Variants in MDFIC observed in about 807,000 individuals in gnomAD.
MDFIC encodes the protein MyoD family inhibitor domain containing.
Under a neutral mutation model 23.2 loss-of-function variants are expected in MDFIC, and 17 were observed. The observed-to-expected ratio is 0.73, with a 90% CI of 0.50 to 1.10. The LOEUF is 1.10. MDFIC is among the 50% of genes least tolerant of loss of function. The pLI is 0.00. For synonymous variants in MDFIC, 120 were observed against 115.2 expected, an observed-to-expected ratio of 1.04 and a Z score of -0.27; for missense variants, 356 against 316.6, an observed-to-expected ratio of 1.12 and a Z score of -0.95.
chr7:114,995,899 T>C (rs1302842746), intron 4 of MDFIC, among the ~76,000 whole-genome samples: 8 of 152,200 alleles, frequency 5.3e-5, no homozygotes, highest in Non-Finnish European at 1.5e-5. Flanking sequence ...ACCTGTCTTC[T>C]GCGTCACTCA....
At position 114,947,323 on chromosome 7, in the gene MDFIC, C is replaced by T. The variant is rs998782524; in HGVS notation, c.217+4926C>T. The stretch of plus-strand genomic sequence containing the variant: ...GTCTTTTCCTCCTCCATTTGGCTCT[C>T]AGAAAAATTCTCTTTTTATTCAGTA... On this transcript the variant is annotated intron_variant, in intron 3 of 4. Transcript: ENST00000393486. Among the ~76,000 whole-genome samples the T allele has an allele frequency of 2.0e-5, 3 of 152,252 alleles. No homozygotes were observed. In the East Asian group the frequency reaches 5.8e-4, roughly 29 times the overall value.
At chr7:114,997,783 G>GA (rs1791368049) in intron 4 of MDFIC, among the ~76,000 whole-genome samples, 1 of 146,944 alleles carries the variant, frequency 6.8e-6, no homozygotes, top group East Asian at 2.0e-4. Flanking sequence ...GAAAAGAAAA[G>GA]AAAGAAAAAG....
intron 3 of MDFIC, among the ~76,000 whole-genome samples, chr7:114,952,816 T>C (rs1032176167): frequency 2.6e-5 from 4 of 152,196 alleles, no homozygotes; most frequent in African/African-American, 9.6e-5. Flanking sequence ...CCTGTCTTTA[T>C]GAAAAAGATA....
At chr7:114,973,101 G>GTGTATATATATA (rs367602602) in intron 3 of MDFIC, among the ~76,000 whole-genome samples, 1 of 147,746 alleles carries the variant, frequency 6.8e-6, no homozygotes, top group Non-Finnish European at 1.5e-5. Flanking sequence ...GTGTGTGTGT[G>GTGTATATATATA]TATATATATA....
At chr7:114,928,267 T>A (rs1432268665) in intron 2 of MDFIC, among the ~76,000 whole-genome samples, 1 of 151,978 alleles carries the variant, frequency 6.6e-6, no homozygotes, top group African/African-American at 2.4e-5. Context: ...TCTGTAAATT[T>A]AAGAAAGCAT....
At chr7:114,941,496 C>A (rs1792539975) in intron 2 of MDFIC, among the ~76,000 whole-genome samples, 1 of 152,182 alleles carries the variant, frequency 6.6e-6, no homozygotes, top group South Asian at 2.1e-4. Context: ...TTTTGGAAAT[C>A]CAACTAATCT....
At chr7:114,979,991 C>A in intron 4 of MDFIC, 1 of 635,722 alleles carries the variant, frequency 1.6e-6, no homozygotes. Flanking sequence ...AGATAATCGT[C>A]TTCTAGAGTG....
Position 114,942,342 on chromosome 7 carries a change from A to G in MDFIC, c.162A>G (p.Gly54=), listed in dbSNP as rs765894260. 9 of 1,606,048 alleles carry G rather than the reference A, an allele frequency of 5.6e-6. No homozygotes were observed. Among genetic ancestry groups the G allele is most frequent in the Non-Finnish European group, 7.7e-6 (9 of 1,174,306 alleles). ...CTACCAATAGCCACTTCACACATGGAGAGATGCAAGACCAGTCCATTTGGG... is the reference window on the plus strand; with the variant it reads ...CTACCAATAGCCACTTCACACATGGGGAGATGCAAGACCAGTCCATTTGGG... ...TQATNSHFTH[G]EMQDQSIWGN... is the part of the protein sequence containing the mutation. Residue 54 remains glycine, a synonymous_variant, in exon 3 of 5, where the codon GGA becomes GGG. Coordinates refer to ENST00000393486, the MANE Select transcript of MDFIC (RefSeq NM_001166345.3).
chr7:114,923,063 C>T lies in MDFIC; in HGVS notation c.30C>T (p.Pro10=), dbSNP rs1360394201. The T allele has an allele frequency of 2.2e-6, 3 of 1,394,448 alleles. No individual in the cohort carries two copies. Among genetic ancestry groups the T allele is most frequent in the Non-Finnish European group, 1.9e-6 (2 of 1,076,256 alleles). 86.4% of individuals were successfully genotyped at this position (1,394,448 alleles called of 1,614,324 possible). A position where few individuals can be genotyped will look rare whatever the true frequency, so the allele number is the denominator to read the frequency against. Residue 10 remains proline (P), a synonymous_variant, in exon 2 of 5, where the codon CCC becomes CCT. Transcript: ENST00000393486. MSGAGEALA[P]GPVGPQRVAE... ...CCGGCGCGGGCGAAGCCCTCGCTCC[C>T]GGGCCCGTGGGGCCGCAGCGCGTGG...
At chr7:114,994,057 G>A (rs1186046855) in intron 4 of MDFIC, among the ~76,000 whole-genome samples, 2 of 152,108 alleles carry the variant, frequency 1.3e-5, no homozygotes, top group Non-Finnish European at 2.9e-5. Flanking sequence ...TATATATTTA[G>A]GATAGTTAGC....
intron 4 of MDFIC, among the ~76,000 whole-genome samples, chr7:114,988,112 T>C (rs1243232526): frequency 1.3e-5 from 2 of 152,228 alleles, no homozygotes; most frequent in African/African-American, 4.8e-5. Flanking sequence ...CAGCTATGTA[T>C]GGACTTCACC....
At chr7:114,930,905 T>G (rs969541571) in intron 2 of MDFIC, among the ~76,000 whole-genome samples, 1 of 152,238 alleles carries the variant, frequency 6.6e-6, no homozygotes, top group Non-Finnish European at 1.5e-5. Context: ...AGAGAATACA[T>G]TCTGTACTGA....
At chr7:114,983,047 A>AT (rs1793444853) in intron 4 of MDFIC, among the ~76,000 whole-genome samples, 1 of 152,216 alleles carries the variant, frequency 6.6e-6, no homozygotes, top group African/African-American at 2.4e-5. Context: ...ACATTTCAAC[A>AT]TCTGAGTTTT....
intron 4 of MDFIC, 41 bp from the exon 5 acceptor site, chr7:115,015,647 C>T: frequency 6.3e-7 from 1 of 1,589,958 alleles, no homozygotes; most frequent in Non-Finnish European, 8.6e-7. Context: ...TGTGTTCCTC[C>T]TTTTTCTCAC....
chr7:114,923,442 A>AAGCGCTTCTCCTCTAGGTCTCTTC (rs1792131427), intron 2 of MDFIC: 1 of 1,537,458 alleles, frequency 6.5e-7, no homozygotes, highest in East Asian at 2.4e-5. Context: ...GTAGGTTCTG[A>AAGCGCTTCTCCTCTAGGTCTCTTC]AGCGCTTCTC....
intron 3 of MDFIC, among the ~76,000 whole-genome samples, chr7:114,955,431 G>C (rs987920397): frequency 6.6e-6 from 1 of 152,038 alleles, no homozygotes; most frequent in Non-Finnish European, 1.5e-5. Flanking sequence ...GCCTCATCTG[G>C]GACTGGGAGT....
intron 3 of MDFIC, among the ~76,000 whole-genome samples, chr7:114,964,829 G>A (rs976533694): frequency 6.6e-5 from 10 of 152,250 alleles, no homozygotes; most frequent in Non-Finnish European, 8.8e-5. Context: ...GATTACAGGC[G>A]TTAGCCACCA....
chr7:115,006,009 T>C (rs897429274), intron 4 of MDFIC, among the ~76,000 whole-genome samples: 2 of 152,206 alleles, frequency 1.3e-5, no homozygotes, highest in African/African-American at 4.8e-5. Flanking sequence ...TTGCCTGGCC[T>C]GTTAGACCGC....
intron 4 of MDFIC, among the ~76,000 whole-genome samples, chr7:115,002,126 G>A (rs1791477326): frequency 6.6e-6 from 1 of 151,790 alleles, no homozygotes; most frequent in African/African-American, 2.4e-5. Flanking sequence ...GACAGAGCAA[G>A]CCTCTGTCTC....
Sources: gnomAD v4.1 joint callset for allele counts (sites outside exome capture counted in the v4.1 genomes callset) on GRCh38, gnomAD v4.1.1 for gene constraint, MANE v1.5 for transcripts, NCBI Gene and HGNC (gene_info 2026-07-23, HGNC 2026-07-21) for gene names.